Variants in PRPF18 observed in about 807,000 individuals in gnomAD.
PRPF18 encodes the protein pre-mRNA processing factor 18, also known as pre-mRNA-splicing factor 18.
Under a neutral mutation model 46.5 loss-of-function variants are expected in PRPF18, and 38 were observed. That is an observed-to-expected ratio of 0.82 (90% confidence interval 0.63 to 1.07). The LOEUF is 1.07. PRPF18 is among the 50% of genes least tolerant of loss of function. The pLI is 0.00. For missense variants in PRPF18, 263 were observed against 410.0 expected, an observed-to-expected ratio of 0.64 and a Z score of 3.10; for synonymous variants, 152 against 146.7, an observed-to-expected ratio of 1.04 and a Z score of -0.26.
chr10:13,607,055 G>A (rs1370350925), intron 4 of PRPF18, among the ~76,000 whole-genome samples: 1 of 152,056 alleles, frequency 6.6e-6, no homozygotes, highest in Admixed American at 6.6e-5. Flanking sequence ...ATAAAGTTGT[G>A]TTCATTTGTG....
At chr10:13,610,210 C>T (rs200534241) in intron 5 of PRPF18, 25 bp downstream of exon 5, 2 of 1,605,048 alleles carry the variant, frequency 1.2e-6, no homozygotes, top group East Asian at 2.2e-5. Flanking sequence ...AAGCCCAGCA[C>T]ATCCCTGGCA....
At position 13,630,462 on chromosome 10, in the gene PRPF18, T is replaced by C; in HGVS notation, c.*122T>C. The C allele has an allele frequency of 1.5e-6, 1 of 689,508 alleles. No individual in the cohort carries two copies. Among genetic ancestry groups the C allele is most frequent in the African/African-American group, 1.8e-5 (1 of 54,938 alleles). The allele number at this position is 689,508 out of a possible 1,614,324, so 42.7% of individuals were successfully genotyped here. A position where few individuals can be genotyped will look rare whatever the true frequency, so the allele number is the denominator to read the frequency against. On this transcript the variant is annotated 3_prime_UTR_variant, in exon 10 of 10. Coordinates refer to ENST00000378572, the MANE Select transcript of PRPF18 (RefSeq NM_003675.4). The stretch of plus-strand genomic sequence containing the variant: ...GAGTTTCCAGTCTCTGAGTTCTACC[T>C]GATGTAACTCTTGATTGGTTTTAAG...
chr10:13,605,179 A>G (rs916075907), intron 3 of PRPF18, among the ~76,000 whole-genome samples: 1 of 152,246 alleles, frequency 6.6e-6, no homozygotes, highest in Non-Finnish European at 1.5e-5. Flanking sequence ...GAAGGATTTT[A>G]TACTTTACAC....
rs2079962442 is a variant in PRPF18, at chr10:13,591,615, T to C, written c.66+4463T>C. 1.4e-5 allele frequency: 9 copies of C among 640,618 alleles called. No individual in the cohort carries two copies. The South Asian group carries it at 1.5e-4, about 11-fold the overall frequency. The allele number at this position is 640,618 out of a possible 1,614,324, so 39.7% of individuals were successfully genotyped here. On this transcript the variant is annotated intron_variant, in intron 1 of 9. Transcript: ENST00000378572. ...TGCTCTGTAATCTTGTATTTATCTT[T>C]TTCTGTGCTGAAGATCTCAGCTTCC...
chr10:13,615,807 G>T (rs185757348), intron 8 of PRPF18, among the ~76,000 whole-genome samples: 20 of 152,160 alleles, frequency 1.3e-4, no homozygotes, highest in African/African-American at 4.8e-4. Context: ...GGGGTGGGGT[G>T]GGGGGCAAAG....
intron 9 of PRPF18, among the ~76,000 whole-genome samples, chr10:13,617,945 G>T (rs1229554477): frequency 6.6e-6 from 1 of 152,176 alleles, no homozygotes. Flanking sequence ...TGGTATTCTT[G>T]TGGATAGGGC....
chr10:13,602,249 T>G (rs959855114), intron 3 of PRPF18, among the ~76,000 whole-genome samples: 2 of 152,230 alleles, frequency 1.3e-5, no homozygotes, highest in African/African-American at 4.8e-5. Flanking sequence ...TATTAGTGAT[T>G]ATTAGAATTG....
chr10:13,651,876 G>A, the PRPF18 span: 6,535 of 1,165,728 alleles, frequency 5.6e-3, 135 homozygotes, highest in East Asian at 0.045. Context: ...CTCATGGGCA[G>A]TAGGAACAAA....
chr10:13,644,143 A>T, the PRPF18 span: 1 of 152,468 alleles, frequency 6.6e-6, no homozygotes, highest in Non-Finnish European at 1.5e-5. Flanking sequence ...CCTGCATATA[A>T]TAAAATAAAA....
the PRPF18 span, chr10:13,654,562 C>T: frequency 8.2e-7 from 1 of 1,223,626 alleles, no homozygotes; most frequent in African/African-American, 1.5e-5. Flanking sequence ...GGATCAGACA[C>T]AGGTGAAAGA....
At chr10:13,606,733 C>CAAAAAAAAAAAAA (rs34162273) in intron 4 of PRPF18, among the ~76,000 whole-genome samples, 3 of 73,014 alleles carry the variant, frequency 4.1e-5, no homozygotes, top group Non-Finnish European at 5.0e-5. Context: ...GACTCCTTCT[C>CAAAAAAAAAAAAA]AAAAAAAAAA....
chr10:13,631,266 C>A (rs2134118862), downstream of PRPF18: 1 of 152,406 alleles, frequency 6.6e-6, no homozygotes, highest in South Asian at 2.1e-4. Context: ...TCACTGTGAC[C>A]TGTTACTATG....
the PRPF18 span, among the ~76,000 whole-genome samples, chr10:13,636,415 T>C: frequency 6.6e-6 from 1 of 152,148 alleles, no homozygotes; most frequent in Non-Finnish European, 1.5e-5. Context: ...TGAGACCGTG[T>C]CTCAAAAATA....
At chr10:13,627,346 T>C (rs545055318) in intron 9 of PRPF18, among the ~76,000 whole-genome samples, 1 of 152,346 alleles carries the variant, frequency 6.6e-6, no homozygotes, top group Admixed American at 6.5e-5. Flanking sequence ...TTCCAGAGCC[T>C]AGAACAGTAT....
At chr10:13,629,467 A>G (rs2080560875) in intron 9 of PRPF18, among the ~76,000 whole-genome samples, 1 of 152,260 alleles carries the variant, frequency 6.6e-6, no homozygotes, top group South Asian at 2.1e-4. Flanking sequence ...CAGTTTAAGA[A>G]CTAGAACATT....
rs577403784 is a variant in PRPF18 at position 13,622,937 on chromosome 10, G to A, written c.948+6384G>A. On this transcript the variant is annotated intron_variant, in intron 9 of 9. Coordinates refer to ENST00000378572, the MANE Select transcript of PRPF18 (RefSeq NM_003675.4). Reference sequence around the variant, plus strand: ...CCACAGGCCGGGCACGGTGGCTCACGCCTGTAATCCCAGCACTTTGGGAGG... The same window carrying A: ...CCACAGGCCGGGCACGGTGGCTCACACCTGTAATCCCAGCACTTTGGGAGG... Among the ~76,000 whole-genome samples the A allele has an allele frequency of 9.9e-5, 15 of 152,256 alleles. No homozygotes were observed. The South Asian group carries it at 2.7e-3, about 27-fold the overall frequency.
chr10:13,610,306 T>A (rs1483150179), intron 5 of PRPF18, 121 bp downstream of exon 5: 2 of 1,109,288 alleles, frequency 1.8e-6, no homozygotes, highest in Middle Eastern at 3.0e-4. Flanking sequence ...TTTTGTTTAT[T>A]TACTCCTCGC....
Position 13,605,474 on chromosome 10 carries a change from C to G in PRPF18, c.250-157C>G, listed in dbSNP as rs545283995. Among the ~76,000 whole-genome samples, 8 of 146,348 alleles carry G rather than the reference C, an allele frequency of 5.5e-5. 1 individual carries two copies. Among genetic ancestry groups the G allele is most frequent in the African/African-American group, 2.0e-4 (8 of 39,602 alleles). On this transcript the variant is annotated intron_variant, in intron 3 of 9. Transcript: ENST00000378572. ...GCGGGCGCCTGTAGTCCCAGCTACT[C>G]GGGAGGCTGAGGCAGGAGAATCGCT...
At chr10:13,655,483 G>A in the PRPF18 span, 4 of 152,272 alleles carry the variant, frequency 2.6e-5, no homozygotes, top group African/African-American at 9.6e-5. Context: ...CTGGGACCCC[G>A]AAGTCCACGG....
Sources: allele counts gnomAD v4.1 joint callset (sites outside exome capture counted in the v4.1 genomes callset), GRCh38; gene constraint gnomAD v4.1.1; transcripts MANE v1.5; gene names NCBI Gene and HGNC (gene_info 2026-07-23, HGNC 2026-07-21).